The following SGCD variants were observed in gnomAD, a reference collection of about 807,000 sequenced individuals.
The protein encoded by SGCD is sarcoglycan delta.
SGCD carries 18 observed loss-of-function variants against 36.6 expected under a neutral mutation model. The observed-to-expected ratio is 0.49, with a 90% CI of 0.34 to 0.73. The LOEUF (loss-of-function observed/expected upper bound fraction) is 0.73. Ranked by LOEUF, SGCD falls within the 30% of genes least tolerant of loss-of-function variation. The pLI is 0.01. For synonymous variants in SGCD, 133 were observed against 130.6 expected, an observed-to-expected ratio of 1.02 and a Z score of -0.12; for missense variants, 387 against 346.7, an observed-to-expected ratio of 1.12 and a Z score of -0.92.
the SGCD span, among the ~76,000 whole-genome samples, chr5:155,827,566 A>C: frequency 2.0e-5 from 3 of 151,712 alleles, no homozygotes; most frequent in Non-Finnish European, 2.9e-5. Flanking sequence ...AGACTGTTTC[A>C]TTTAAAATCT....
At chr5:156,692,721 A>T (rs1483271891) in intron 7 of SGCD, among the ~76,000 whole-genome samples, 2 of 152,184 alleles carry the variant, frequency 1.3e-5, no homozygotes, top group African/African-American at 2.4e-5. Context: ...TTAAATTGCT[A>T]AGTGTTTTTT....
intron 1 of SGCD, among the ~76,000 whole-genome samples, chr5:155,938,445 C>T (rs1757260623): frequency 6.6e-6 from 1 of 152,176 alleles, no homozygotes; most frequent in Admixed American, 6.5e-5. Context: ...AAACATGTGG[C>T]TGTTTATGAG....
chr5:156,019,892 C>T (rs558549590), intron 1 of SGCD, among the ~76,000 whole-genome samples: 3 of 152,286 alleles, frequency 2.0e-5, no homozygotes, highest in African/African-American at 7.2e-5. Context: ...AAGCCCTGTG[C>T]TGTGGCCTAA....
chr5:156,131,100 A>T (rs898391742), intron 3 of SGCD, among the ~76,000 whole-genome samples: 1 of 152,224 alleles, frequency 6.6e-6, no homozygotes, highest in Non-Finnish European at 1.5e-5. Flanking sequence ...GCCCTCAAGG[A>T]TCATTGCTTT....
At chr5:155,837,590 A>T in the SGCD span, among the ~76,000 whole-genome samples, 1 of 152,228 alleles carries the variant, frequency 6.6e-6, no homozygotes, top group Admixed American at 6.5e-5. Context: ...GACATAAGTC[A>T]TGGCATCCAG....
rs146852490 is a variant in SGCD, at chr5:156,548,014, G to A, written c.294+39312G>A. Among the ~76,000 whole-genome samples, 3 of 152,296 alleles carry A rather than the reference G, an allele frequency of 2.0e-5. No homozygotes were observed. In the East Asian group the frequency reaches 5.8e-4, roughly 29 times the overall value. On this transcript the variant is annotated intron_variant, in intron 4 of 8. Coordinates refer to ENST00000337851, the MANE Select transcript of SGCD (RefSeq NM_000337.6). ...CTGGGCTTTGGGCCTGTCACCCATA[G>A]CATTGGGCTGGTTCCCTGCAGTATT...
chr5:156,294,780 A>G (rs1766852255), intron 3 of SGCD, among the ~76,000 whole-genome samples: 2 of 152,162 alleles, frequency 1.3e-5, no homozygotes, highest in Admixed American at 1.3e-4. Context: ...ACGTTATATC[A>G]AATTGTTGAA....
Position 156,689,130 on chromosome 5 carries a change from A to C in SGCD, c.575+41594A>C, listed in dbSNP as rs147935437. Among the ~76,000 whole-genome samples the C allele has an allele frequency of 3.0e-3, 457 of 152,342 alleles. 2 individuals carry two copies. The highest frequency in any genetic ancestry group is 0.011 in the African/African-American group (440 of 41,566). ...TTAGTTAATAGTATGGGATTGTACC[A>C]GTGTTAATTTCTTAGTTTTGACAAA... is the stretch of plus-strand genomic sequence containing the variant. On this transcript the variant is annotated intron_variant, in intron 7 of 8. Transcript: ENST00000337851.
chr5:156,685,730 G>A (rs1753881639), intron 7 of SGCD, among the ~76,000 whole-genome samples: 1 of 152,234 alleles, frequency 6.6e-6, no homozygotes, highest in South Asian at 2.1e-4. Flanking sequence ...GCAGTAACCA[G>A]TATCTACAGT....
At chr5:155,910,417 G>T (rs556004753) in intron 1 of SGCD, among the ~76,000 whole-genome samples, 1 of 152,042 alleles carries the variant, frequency 6.6e-6, no homozygotes, top group African/African-American at 2.4e-5. Flanking sequence ...ATCCAGCAGC[G>T]AGAAGTTAGA....
At chr5:155,958,000 G>A (rs977061008) in intron 1 of SGCD, among the ~76,000 whole-genome samples, 2 of 152,162 alleles carry the variant, frequency 1.3e-5, no homozygotes, top group Non-Finnish European at 2.9e-5. Context: ...AAGGGAAGAA[G>A]GAAAGTCAAC....
chr5:156,180,472 C>G (rs897815366), intron 3 of SGCD, among the ~76,000 whole-genome samples: 1 of 151,870 alleles, frequency 6.6e-6, no homozygotes, highest in Admixed American at 6.6e-5. Context: ...ACTCTGTAGA[C>G]AAATTCCTAT....
At chr5:156,061,157 T>G (rs1760195821) in intron 1 of SGCD, among the ~76,000 whole-genome samples, 2 of 143,256 alleles carry the variant, frequency 1.4e-5, no homozygotes. Context: ...TTTTAACCCC[T>G]GTAAAAATTG....
At chr5:155,734,977 A>G in the SGCD span, among the ~76,000 whole-genome samples, 1 of 152,238 alleles carries the variant, frequency 6.6e-6, no homozygotes, top group Non-Finnish European at 1.5e-5. Flanking sequence ...CAGTCTATAT[A>G]TAAGCTTCTT....
chr5:156,152,678 T>A (rs1234808024), intron 3 of SGCD, among the ~76,000 whole-genome samples: 1 of 151,776 alleles, frequency 6.6e-6, no homozygotes, highest in East Asian at 1.9e-4. Flanking sequence ...TGGGTTAAAG[T>A]ATATTGAAAC....
At chr5:156,583,969 A>G (rs1760388109) in intron 4 of SGCD, among the ~76,000 whole-genome samples, 1 of 152,226 alleles carries the variant, frequency 6.6e-6, no homozygotes, top group East Asian at 1.9e-4. Context: ...AGTAAAACTC[A>G]AATGTTGATA....
chr5:156,676,995 T>G (rs968218970), intron 7 of SGCD, among the ~76,000 whole-genome samples: 2 of 152,232 alleles, frequency 1.3e-5, no homozygotes, highest in Non-Finnish European at 2.9e-5. Context: ...TTCCTGGGCC[T>G]ACCATCAGTC....
intron 4 of SGCD, among the ~76,000 whole-genome samples, chr5:156,549,333 T>C: frequency 6.6e-6 from 1 of 152,162 alleles, no homozygotes; most frequent in African/African-American, 2.4e-5. Flanking sequence ...GTGAACATGG[T>C]GGTGTTTTAT....
Position 156,576,778 on chromosome 5 carries a change from T to C in SGCD, c.295-12453T>C, listed in dbSNP as rs1241895990. ...CCCACTTTTTGATGGGGTTTTTTTT[T>C]CTTGTAAATGTAAGTTCTTTGTACA... On this transcript the variant is annotated intron_variant, in intron 4 of 8. Transcript: ENST00000337851. Among the ~76,000 whole-genome samples the C allele has an allele frequency of 5.3e-5, 8 of 152,108 alleles. 1 individual carries two copies. The highest frequency in any genetic ancestry group is 4.8e-5 in the African/African-American group (2 of 41,440).
Sources: allele counts gnomAD v4.1 joint callset (sites outside exome capture counted in the v4.1 genomes callset), GRCh38; gene constraint gnomAD v4.1.1; transcripts MANE v1.5; gene names NCBI Gene and HGNC (gene_info 2026-07-23, HGNC 2026-07-21).